ZNF580: variants seen among roughly 807,000 people sequenced by gnomAD.
The protein encoded by ZNF580 is zinc finger protein 580.
In ZNF580, 1 loss-of-function variant was observed where a neutral mutation model predicts 1.3. That is an observed-to-expected ratio of 0.77 (90% CI 0.27 to 3.65). The LOEUF (loss-of-function observed/expected upper bound fraction) is 3.65, where lower values mean the gene tolerates loss of function less well. Among genes scored for constraint, ZNF580 ranks in the 30% most tolerant of loss-of-function variants. The probability of loss-of-function intolerance (pLI) is 0.19; values close to 1 mark genes in which losing one functional copy is unlikely to be tolerated. For missense variants in ZNF580, 268 were observed against 272.3 expected (o/e 0.98, Z 0.11); for synonymous variants, 135 against 128.8 (o/e 1.05, Z -0.32).
Position 55,643,049 on chromosome 19 carries a change from G to A in ZNF580, c.*22G>A. On this transcript the variant is annotated 3_prime_UTR_variant, in exon 2 of 2. Coordinates refer to ENST00000325333, the MANE Select transcript of ZNF580 (RefSeq NM_207115.2). ...CTAAGCTCGAGACCCGGCCTGTGCTGCCCTGCCCGTCTCAGGGCCACCAAG... is the reference window on the plus strand; with the variant it reads ...CTAAGCTCGAGACCCGGCCTGTGCTACCCTGCCCGTCTCAGGGCCACCAAG... 1 of 1,345,538 alleles carries A rather than the reference G, an allele frequency of 7.4e-7. No homozygotes were observed. The highest frequency in any genetic ancestry group is 9.6e-7 in the Non-Finnish European group (1 of 1,046,698). 83.3% of individuals were successfully genotyped at this position (1,345,538 alleles called of 1,614,324 possible).
At position 55,642,600 on chromosome 19, in the gene ZNF580, A is replaced by G. The variant is rs1982584943; in HGVS notation, c.92A>G (p.Lys31Arg). The change falls in exon 2 of 2, where the codon AAG (lysine) becomes AGG (arginine). Residue 31 changes from lysine (K) to arginine (R), a missense_variant. By Grantham distance (26) the Lys-to-Arg change is conservative (BLOSUM62 2). Coordinates refer to ENST00000325333, the MANE Select transcript of ZNF580 (RefSeq NM_207115.2). ...PPPPKAPPFP[K>R]AEGPSSTPSS... ...CCCCCCAAGGCTCCCCCTTTCCCCA[A>G]GGCGGAAGGCCCCTCCTCCACTCCT... is the stretch of plus-strand genomic sequence containing the variant. 2 of 1,451,436 alleles carry G rather than the reference A, an allele frequency of 1.4e-6. No homozygotes were observed. Among genetic ancestry groups the G allele is most frequent in the Non-Finnish European group, 1.8e-6 (2 of 1,102,398 alleles). The allele number at this position is 1,451,436 out of a possible 1,614,324, so 89.9% of individuals were successfully genotyped here. A position where few individuals can be genotyped will look rare whatever the true frequency, so the allele number is the denominator to read the frequency against.
Position 55,643,146 on chromosome 19 carries a change from G to A in ZNF580, c.*119G>A, listed in dbSNP as rs1173006573. On this transcript the variant is annotated 3_prime_UTR_variant, in exon 2 of 2. Transcript: ENST00000325333. ...TGCTGAGGTTACTGCCTTACCCTGG[G>A]CCTCAGTTTCCCCACCTTCCAAAGG... 4.2e-6 allele frequency: 5 copies of A among 1,183,938 alleles called. No homozygotes were observed. The highest frequency in any genetic ancestry group is 5.2e-6 in the Non-Finnish European group (5 of 956,072). 73.3% of individuals were successfully genotyped at this position (1,183,938 alleles called of 1,614,324 possible).
In ZNF580 at chr19:55,641,279, T is replaced by C. The variant is rs902586566; in HGVS notation, c.-13+96T>C. The C allele has an allele frequency of 2.2e-5, 17 of 764,740 alleles. No homozygotes were observed. In the African/African-American group the frequency reaches 3.1e-4, roughly 14 times the overall value. 47.4% of individuals were successfully genotyped at this position (764,740 alleles called of 1,614,324 possible). Reference sequence around the variant, plus strand: ...GCGCTGGAGCCACCCGGGATGGGGGTGGGGGTCGGGAGCGGCAGGATCGGG... The same window carrying C: ...GCGCTGGAGCCACCCGGGATGGGGGCGGGGGTCGGGAGCGGCAGGATCGGG... On this transcript the variant is annotated intron_variant, in intron 1 of 1. Coordinates refer to ENST00000325333, the MANE Select transcript of ZNF580 (RefSeq NM_207115.2).
In ZNF580 at chr19:55,642,960, C is replaced by A; in HGVS notation, c.452C>A (p.Thr151Asn). ...CGCGCCCGCGCCGGGCCGCCGCACA[C>A]CTGCCCGCTCTGCCCACGCCGCTTC... is the stretch of plus-strand genomic sequence containing the variant. ...THRARAGPPH[T>N]CPLCPRRFQD... The change falls in exon 2 of 2, where the codon ACC becomes AAC. Residue 151 changes from threonine (T) to asparagine (N), a missense_variant. Physicochemically the swap from Thr to Asn is moderately conservative, Grantham distance 65. Coordinates refer to ENST00000325333, the MANE Select transcript of ZNF580 (RefSeq NM_207115.2). The A allele has an allele frequency of 7.1e-7, 1 of 1,411,542 alleles. No homozygotes were observed. The highest frequency in any genetic ancestry group is 1.6e-5 in the South Asian group (1 of 62,818). The allele number at this position is 1,411,542 out of a possible 1,614,324, so 87.4% of individuals were successfully genotyped here.
chr19:55,641,385 A>G (rs1028369465), intron 1 of ZNF580, among the ~76,000 whole-genome samples: 1 of 152,152 alleles, frequency 6.6e-6, no homozygotes, highest in Non-Finnish European at 1.5e-5. Context: ...GGGCCAGGGG[A>G]CAGGCGGTGT....
rs1982651066 is a variant in ZNF580, at chr19:55,643,316, T to C, written c.*289T>C. On this transcript the variant is annotated 3_prime_UTR_variant, in exon 2 of 2. Transcript: ENST00000325333. Reference sequence around the variant, plus strand: ...GCCTGTGCAAGTGACATGACCTCTCTAAACCTTGGTTTTCTGCTCTCTGGA... The same window carrying C: ...GCCTGTGCAAGTGACATGACCTCTCCAAACCTTGGTTTTCTGCTCTCTGGA... The C allele has an allele frequency of 2.6e-6, 1 of 389,206 alleles. No homozygotes were observed. Among genetic ancestry groups the C allele is most frequent in the East Asian group, 4.1e-5 (1 of 24,606 alleles). The allele number at this position is 389,206 out of a possible 1,614,324, so 24.1% of individuals were successfully genotyped here.
Position 55,643,466 on chromosome 19 carries a change from C to G in ZNF580, c.*439C>G, listed in dbSNP as rs903235018. ...CCCTTTGCTCAATAAACATTCCGCA[C>G]TCCATTTTCAGGCTCTTCCTTGCGT... On this transcript the variant is annotated 3_prime_UTR_variant, in exon 2 of 2. Transcript: ENST00000325333. 4 of 184,164 alleles carry G rather than the reference C, an allele frequency of 2.2e-5. No individual in the cohort carries two copies. Among genetic ancestry groups the G allele is most frequent in the South Asian group, 2.0e-4 (1 of 5,034 alleles). The allele number at this position is 184,164 out of a possible 1,614,324, so 11.4% of individuals were successfully genotyped here.
In ZNF580 at chr19:55,641,040, G is replaced by C. The variant is rs1235183090; in HGVS notation, c.-156G>C. The C allele has an allele frequency of 1.0e-6, 1 of 984,014 alleles. No homozygotes were observed. Among genetic ancestry groups the C allele is most frequent in the Non-Finnish European group, 1.2e-6 (1 of 828,880 alleles). The allele number at this position is 984,014 out of a possible 1,614,324, so 61.0% of individuals were successfully genotyped here. On this transcript the variant is annotated 5_prime_UTR_variant, in exon 1 of 2. Coordinates refer to ENST00000325333, the MANE Select transcript of ZNF580 (RefSeq NM_207115.2). Reference sequence around the variant, plus strand: ...GACTCCGCCAACCCCTCGCACCCCCGCGCCCCCAGTCCCCGCGTCCCCGGC... The same window carrying C: ...GACTCCGCCAACCCCTCGCACCCCCCCGCCCCCAGTCCCCGCGTCCCCGGC...
At chr19:55,641,205 G>A in intron 1 of ZNF580, 22 bp downstream of exon 1, 2 of 984,588 alleles carry the variant, frequency 2.0e-6, no homozygotes, top group Non-Finnish European at 2.4e-6. Context: ...GGGATGGAGG[G>A]AGGAGCCTGG....
At position 55,642,573 on chromosome 19, in the gene ZNF580, C is replaced by T; in HGVS notation, c.65C>T (p.Pro22Leu). 6.9e-7 allele frequency: 1 copy of T among 1,451,790 alleles called. No individual in the cohort carries two copies. The highest frequency in any genetic ancestry group is 9.1e-7 in the Non-Finnish European group (1 of 1,103,062). The allele number at this position is 1,451,790 out of a possible 1,614,324, so 89.9% of individuals were successfully genotyped here. Reference sequence around the variant, plus strand: ...TCCTCTCCGGAGGCCATGGACCCACCGCCCCCCAAGGCTCCCCCTTTCCCC... The same window carrying T: ...TCCTCTCCGGAGGCCATGGACCCACTGCCCCCCAAGGCTCCCCCTTTCCCC... ...RSSSPEAMDP[P>L]PPKAPPFPKA... The change falls in exon 2 of 2, where the codon CCG (proline) becomes CTG (leucine). Residue 22 changes from proline to leucine, a missense_variant. Coordinates refer to ENST00000325333, the MANE Select transcript of ZNF580 (RefSeq NM_207115.2).
Position 55,643,014 on chromosome 19 carries a change from T to C in ZNF580, c.506T>C (p.Val169Ala), listed in dbSNP as rs1982625179. The C allele has an allele frequency of 7.3e-7, 1 of 1,362,972 alleles. No homozygotes were observed. Among genetic ancestry groups the C allele is most frequent in the South Asian group, 1.9e-5 (1 of 53,092 alleles). The allele number at this position is 1,362,972 out of a possible 1,614,324, so 84.4% of individuals were successfully genotyped here. The change falls in exon 2 of 2, where the codon GTG (valine) becomes GCG (alanine). Residue 169 changes from valine (V) to alanine (A), a missense_variant. By Grantham distance (64) the Val-to-Ala change is moderately conservative. Coordinates refer to ENST00000325333, the MANE Select transcript of ZNF580 (RefSeq NM_207115.2). ...FQDAAELAQHVRLH is the reference protein window; with the variant it reads ...FQDAAELAQHARLH ...GACGCCGCGGAGCTGGCGCAGCACG[T>C]GCGCCTCCACTAAGCTCGAGACCCG...
chr19:55,641,216 C>T (rs1439514791), intron 1 of ZNF580, 33 bp downstream of exon 1: 7 of 981,994 alleles, frequency 7.1e-6, no homozygotes, highest in Non-Finnish European at 8.5e-6. Flanking sequence ...AGGAGCCTGG[C>T]CCTGGGACGA....
Position 55,642,943 on chromosome 19 carries a change from C to A in ZNF580, c.435C>A (p.Arg145=). Residue 145 remains arginine, a synonymous_variant, in exon 2 of 2, where the codon CGC becomes CGA. Coordinates refer to ENST00000325333, the MANE Select transcript of ZNF580 (RefSeq NM_207115.2). ...GGCATCGCGCCACGCACCGCGCCCG[C>A]GCCGGGCCGCCGCACACCTGCCCGC... ...LSRHRATHRA[R]AGPPHTCPLC... 7 of 1,438,220 alleles carry A rather than the reference C, an allele frequency of 4.9e-6. No individual in the cohort carries two copies. Among genetic ancestry groups the A allele is most frequent in the Non-Finnish European group, 6.4e-6 (7 of 1,098,438 alleles). 89.1% of individuals were successfully genotyped at this position (1,438,220 alleles called of 1,614,324 possible). A position where few individuals can be genotyped will look rare whatever the true frequency, so the allele number is the denominator to read the frequency against.
intron 1 of ZNF580, 100 bp downstream of exon 1, chr19:55,641,283 G>A (rs551568085): frequency 5.3e-6 from 4 of 761,470 alleles, no homozygotes; most frequent in African/African-American, 1.9e-5. Flanking sequence ...TGGGGGTGGG[G>A]GTCGGGAGCG....
rs201057685 is a variant in ZNF580, at chr19:55,642,707, G to A, written c.199G>A (p.Val67Met). 160 of 1,495,740 alleles carry A rather than the reference G, an allele frequency of 1.1e-4. 1 individual carries two copies. Among genetic ancestry groups the A allele is most frequent in the Non-Finnish European group, 1.4e-4 (155 of 1,122,618 alleles). The allele number at this position is 1,495,740 out of a possible 1,614,324, so 92.7% of individuals were successfully genotyped here. ...DANGVPYTYT[V>M]QLEEEPRGPP... is the part of the protein sequence containing the mutation. The stretch of plus-strand genomic sequence containing the variant: ...CAATGGGGTCCCCTACACATACACG[G>A]TGCAGCTGGAGGAGGAGCCCCGGGG... Residue 67 changes from valine (V) to methionine (M), a missense_variant, in exon 2 of 2, where the codon GTG becomes ATG. Val to Met is a conservative substitution (Grantham distance 21, BLOSUM62 1). This residue lies in a region of ZNF580 where 225 missense variants were observed against 201.7 expected (regional missense o/e 1.12). Coordinates refer to ENST00000325333, the MANE Select transcript of ZNF580 (RefSeq NM_207115.2).
In ZNF580 at chr19:55,642,945, C is replaced by A. The variant is rs1256795312; in HGVS notation, c.437C>A (p.Ala146Asp). ...SRHRATHRARAGPPHTCPLCP... is the reference protein window; with the variant it reads ...SRHRATHRARDGPPHTCPLCP... ...CATCGCGCCACGCACCGCGCCCGCG[C>A]CGGGCCGCCGCACACCTGCCCGCTC... The change falls in exon 2 of 2, where the codon GCC becomes GAC. Residue 146 changes from alanine (A) to aspartate (D), a missense_variant. Ala to Asp is a moderately radical substitution (Grantham distance 126). Around this residue, in one of 2 missense-constraint regions of ZNF580, gnomAD observed 43 missense variants for 70.5 expected, o/e 0.61. Transcript: ENST00000325333. 7.0e-7 allele frequency: 1 copy of A among 1,438,536 alleles called. No individual in the cohort carries two copies. Among genetic ancestry groups the A allele is most frequent in the East Asian group, 2.9e-5 (1 of 34,670 alleles). 89.1% of individuals were successfully genotyped at this position (1,438,536 alleles called of 1,614,324 possible). A position where few individuals can be genotyped will look rare whatever the true frequency, so the allele number is the denominator to read the frequency against.
At chr19:55,642,040 A>T in intron 1 of ZNF580, 1 of 985,490 alleles carries the variant, frequency 1.0e-6, no homozygotes, top group African/African-American at 1.8e-5. Context: ...GGGGGCGGCA[A>T]AGGGAGGGGA....
In ZNF580 at chr19:55,641,059, CCCCGGCGCCGCCGG is replaced by C; in HGVS notation, c.-131_-118del. 2.0e-6 allele frequency: 2 copies of C among 985,290 alleles called. No individual in the cohort carries two copies. The highest frequency in any genetic ancestry group is 2.4e-6 in the Non-Finnish European group (2 of 829,848). The allele number at this position is 985,290 out of a possible 1,614,324, so 61.0% of individuals were successfully genotyped here. On this transcript the variant is annotated 5_prime_UTR_variant, in exon 1 of 2. Coordinates refer to ENST00000325333, the MANE Select transcript of ZNF580 (RefSeq NM_207115.2). ...ACCCCCGCGCCCCCAGTCCCCGCGT[CCCCGGCGCCGCCGG>C]CCCGGAGCTGCCCGGAAGTCTCGGT...
intron 1 of ZNF580, 104 bp from the exon 2 acceptor site, chr19:55,642,393 C>T (rs1982561766): frequency 7.6e-7 from 1 of 1,321,338 alleles, no homozygotes. Flanking sequence ...GTCAGTGGCG[C>T]ACAAAGGGTA....
Sources: gnomAD v4.1 joint callset for allele counts (sites outside exome capture counted in the v4.1 genomes callset) on GRCh38, gnomAD v4.1.1 for gene constraint, gnomAD v4.1.1 regional missense constraint, MANE v1.5 for transcripts, NCBI Gene and HGNC (gene_info 2026-07-23, HGNC 2026-07-21) for gene names.